The following TMEM116 variants were observed in gnomAD, a reference collection of about 807,000 sequenced individuals.
TMEM116 encodes transmembrane protein 116.
Under a neutral mutation model 44.3 loss-of-function variants are expected in TMEM116, and 38 were observed. The observed-to-expected ratio is 0.86, with a 90% CI of 0.66 to 1.12. TMEM116 has a LOEUF of 1.12. TMEM116 is among the 50% of genes most tolerant of loss of function. TMEM116 has a pLI of 0.00. For missense variants in TMEM116, 354 were observed against 401.7 expected (o/e 0.88, Z 1.01); for synonymous variants, 132 against 144.8 (o/e 0.91, Z 0.64).
At chr12:111,964,891 A>G (rs2074883623) in intron 4 of TMEM116, among the ~76,000 whole-genome samples, 1 of 152,012 alleles carries the variant, frequency 6.6e-6, no homozygotes, top group Non-Finnish European at 1.5e-5. Flanking sequence ...AGGGCTCTCA[A>G]TATGTCACCC....
rs188007317 is a variant in TMEM116 at position 111,977,744 on chromosome 12, C to T, written c.210+14014G>A. Reference sequence around the variant, plus strand: ...TCATAAGGGTAAGTAAAATAAACAACAGCAATATTATAAGAGACAGGAAAG... The same window carrying T: ...TCATAAGGGTAAGTAAAATAAACAATAGCAATATTATAAGAGACAGGAAAG... On this transcript the variant is annotated intron_variant, in intron 4 of 10. Coordinates refer to ENST00000552374, the MANE Select transcript of TMEM116 (RefSeq NM_001193531.2). Among the ~76,000 whole-genome samples, 5 of 151,930 alleles carry T rather than the reference C, an allele frequency of 3.3e-5. No homozygotes were observed. In the East Asian group the frequency reaches 9.7e-4, roughly 29 times the overall value.
chr12:111,975,274 G>A (rs2075603283), intron 4 of TMEM116, among the ~76,000 whole-genome samples: 1 of 152,184 alleles, frequency 6.6e-6, no homozygotes, highest in African/African-American at 2.4e-5. Context: ...TCAGCCTCTT[G>A]AGTAGCTGGG....
At chr12:111,962,256 A>G (rs2074650170) in intron 4 of TMEM116, among the ~76,000 whole-genome samples, 1 of 152,138 alleles carries the variant, frequency 6.6e-6, no homozygotes, top group Non-Finnish European at 1.5e-5. Flanking sequence ...GTAATTATAG[A>G]TTCAATGCTA....
intron 4 of TMEM116, 102 bp from the exon 5 acceptor site, chr12:111,943,471 T>G (rs1465415190): frequency 1.2e-6 from 1 of 800,166 alleles, no homozygotes; most frequent in African/African-American, 1.7e-5. Flanking sequence ...TCCTACCTAC[T>G]AGTCTATTAG....
chr12:111,977,322 C>T (rs1187541305), intron 4 of TMEM116, among the ~76,000 whole-genome samples: 1 of 152,088 alleles, frequency 6.6e-6, no homozygotes, highest in Admixed American at 6.5e-5. Flanking sequence ...AATATTTAAA[C>T]TGTTGAAAGA....
intron 4 of TMEM116, among the ~76,000 whole-genome samples, chr12:111,981,528 G>A (rs1470763702): frequency 6.6e-6 from 1 of 152,300 alleles, no homozygotes; most frequent in East Asian, 1.9e-4. Context: ...ATCAACATAG[G>A]GGCTTGCTTT....
At chr12:111,991,676 C>T in intron 4 of TMEM116, 82 bp downstream of exon 4, 1 of 1,398,728 alleles carries the variant, frequency 7.1e-7, no homozygotes, top group South Asian at 1.5e-5. Context: ...GTCTCCACTT[C>T]CCAAGGTGAA....
chr12:112,006,880 CTAGAG>C (rs780216404), intron 1 of TMEM116, among the ~76,000 whole-genome samples: 24 of 152,290 alleles, frequency 1.6e-4, no homozygotes, highest in African/African-American at 2.4e-4. Flanking sequence ...ACTTGCGTCG[CTAGAG>C]TAATTTAAAT....
intron 4 of TMEM116, among the ~76,000 whole-genome samples, chr12:111,963,973 T>C (rs2074799245): frequency 6.6e-6 from 1 of 152,126 alleles, no homozygotes; most frequent in Admixed American, 6.5e-5. Flanking sequence ...TAGATGGTAG[T>C]TATGGTAGTT....
At chr12:111,999,758 A>T (rs1287931983) in intron 3 of TMEM116, among the ~76,000 whole-genome samples, 1 of 152,216 alleles carries the variant, frequency 6.6e-6, no homozygotes, top group Non-Finnish European at 1.5e-5. Context: ...ACATAAAAAA[A>T]TAAATAAAAG....
At chr12:112,004,931 T>G (rs2077496802) in intron 2 of TMEM116, among the ~76,000 whole-genome samples, 3 of 152,224 alleles carry the variant, frequency 2.0e-5, no homozygotes, top group African/African-American at 4.8e-5. Context: ...ATTACAGGTA[T>G]GAGCTCAGCC....
chr12:111,940,565 GTGTATA>G lies in TMEM116; in HGVS notation c.316-2361_316-2356del, dbSNP rs2072724058. On this transcript the variant is annotated intron_variant, in intron 5 of 10. Transcript: ENST00000552374. ...TATATACACACACACATATATATGT[GTGTATA>G]TATATATATATATCTTCGGCTAAAG... 6.3e-5 allele frequency among the ~76,000 whole-genome samples: 8 copies of G among 127,944 alleles called. 1 individual carries two copies. Among genetic ancestry groups the G allele is most frequent in the South Asian group, 2.6e-4 (1 of 3,880 alleles). 83.9% of individuals were successfully genotyped at this position (127,944 alleles called of 152,430 possible). A position where few individuals can be genotyped will look rare whatever the true frequency, so the allele number is the denominator to read the frequency against.
rs558220647 is a variant in TMEM116, at chr12:112,005,372, TTAAC to T, written c.-33-73_-33-70del. ...TTGAATATTCAACCTAAGTTCATTA[TTAAC>T]TATCTGTACAGCATGAATTTTTCTT... On this transcript the variant is annotated intron_variant, in intron 1 of 10. Coordinates refer to ENST00000552374, the MANE Select transcript of TMEM116 (RefSeq NM_001193531.2). 252 of 1,083,100 alleles carry T rather than the reference TTAAC, an allele frequency of 2.3e-4. No individual in the cohort carries two copies. In the African/African-American group the frequency reaches 3.2e-3, roughly 14 times the overall value. The allele number at this position is 1,083,100 out of a possible 1,614,324, so 67.1% of individuals were successfully genotyped here.
intron 4 of TMEM116, among the ~76,000 whole-genome samples, chr12:111,955,077 C>T (rs900864415): frequency 6.6e-6 from 1 of 152,202 alleles, no homozygotes. Context: ...AGAAACTGAT[C>T]TAGATAAGTT....
chr12:111,993,358 C>T (rs2076730446), intron 3 of TMEM116: 2 of 528,862 alleles, frequency 3.8e-6, no homozygotes, highest in Admixed American at 4.1e-5. Flanking sequence ...AAAGGACAGG[C>T]TCTGACTTTC....
intron 4 of TMEM116, among the ~76,000 whole-genome samples, chr12:111,943,708 T>C (rs1045084418): frequency 2.0e-5 from 3 of 152,158 alleles, no homozygotes; most frequent in African/African-American, 7.2e-5. Context: ...CTAATTTTAT[T>C]GTATTTTTGG....
chr12:112,005,571 A>G, intron 1 of TMEM116: 1 of 509,174 alleles, frequency 2.0e-6, no homozygotes, highest in Non-Finnish European at 2.6e-6. Flanking sequence ...TAAATGAAAA[A>G]GGGAAACTAG....
chr12:111,998,238 C>T (rs1006408308), intron 3 of TMEM116, among the ~76,000 whole-genome samples: 1 of 152,170 alleles, frequency 6.6e-6, no homozygotes, highest in Non-Finnish European at 1.5e-5. Context: ...GTATGTAAAA[C>T]TAGTCCTAAG....
intron 1 of TMEM116, among the ~76,000 whole-genome samples, chr12:112,009,412 A>G (rs2077732527): frequency 6.6e-6 from 1 of 152,164 alleles, no homozygotes; most frequent in Non-Finnish European, 1.5e-5. Context: ...GAAATCTGCA[A>G]ACCAAACCAT....
Sources: allele counts gnomAD v4.1 joint callset (sites outside exome capture counted in the v4.1 genomes callset), GRCh38; gene constraint gnomAD v4.1.1; transcripts MANE v1.5; gene names NCBI Gene and HGNC (gene_info 2026-07-23, HGNC 2026-07-21).